The following KANK2 variants were observed in gnomAD, a reference collection of about 807,000 sequenced individuals.
KANK2 encodes KN motif and ankyrin repeat domains 2.
In KANK2, 41 loss-of-function variants were observed where a neutral mutation model predicts 74.6. The ratio of observed to expected loss-of-function variants is 0.55; its 90% confidence interval spans 0.43 to 0.71. The LOEUF is 0.71. Among genes scored for constraint, KANK2 ranks in the 30% least tolerant of loss-of-function variants. KANK2 has a pLI of 0.00. For missense variants in KANK2, 1,148 were observed against 1,196.4 expected, an observed-to-expected ratio of 0.96 and a Z score of 0.60; for synonymous variants, 537 against 519.0, an observed-to-expected ratio of 1.03 and a Z score of -0.47.
chr19:11,193,893 C>A lies in KANK2; in HGVS notation c.187G>T (p.Ala63Ser), dbSNP rs991237920. 2 of 1,613,712 alleles carry A rather than the reference C, an allele frequency of 1.2e-6. No homozygotes were observed. The highest frequency in any genetic ancestry group is 1.7e-5 in the Admixed American group (1 of 60,026). The change falls in exon 4 of 13, where the codon GCA becomes TCA. Residue 63 changes from alanine (A) to serine (S), a missense_variant. Coordinates refer to ENST00000586659, the MANE Select transcript of KANK2 (RefSeq NM_001136191.3). The surrounding 1 kb of genome is among the most constrained non-coding windows in gnomAD (Gnocchi z 9.6). ...CTCAGGCGGGGGCGGCGCTGCACTG[C>A]CACGCGTCGCAGCGTGTGGCCCTTC... ...IEKGHTLRRV[A>S]VQRRPRLSSL...
intron 4 of KANK2, among the ~76,000 whole-genome samples, chr19:11,187,971 TA>T (rs2078723990): frequency 6.6e-6 from 1 of 151,640 alleles, no homozygotes; most frequent in African/African-American, 2.4e-5. Flanking sequence ...GGAATAAAAA[TA>T]AAGTGGGGAG....
rs1300352152 is a variant in KANK2, at chr19:11,175,846, G to C, written c.1848+56C>G. 48 of 1,288,240 alleles carry C rather than the reference G, an allele frequency of 3.7e-5. 1 individual carries two copies. The South Asian group carries it at 4.4e-4, about 12-fold the overall frequency. The allele number at this position is 1,288,240 out of a possible 1,614,324, so 79.8% of individuals were successfully genotyped here. ...CTGAGGATGAGGAGAGGCCACGGGT[G>C]GGGTGGAGGTAGGGGTCCGGGGGGT... On this transcript the variant is annotated intron_variant, in intron 8 of 12. Coordinates refer to ENST00000586659, the MANE Select transcript of KANK2 (RefSeq NM_001136191.3).
In KANK2 at chr19:11,170,499, C is replaced by A; in HGVS notation, c.2212-251G>T. ...GGAGGAAATGATGGATACAGGTTTC[C>A]TTTGGGGGTGAAGAGAACGTTCTGG... On this transcript the variant is annotated intron_variant, in intron 10 of 12. Transcript: ENST00000586659. This position sits in a 1 kb window ranked among gnomAD's most constrained non-coding sequence, Gnocchi z 5.2. 1.8e-6 allele frequency: 1 copy of A among 562,946 alleles called. No homozygotes were observed. The highest frequency in any genetic ancestry group is 3.2e-6 in the Non-Finnish European group (1 of 313,696). The allele number at this position is 562,946 out of a possible 1,614,324, so 34.9% of individuals were successfully genotyped here.
At chr19:11,181,236 T>TTTATTATTATTA (rs200654235) in intron 4 of KANK2, among the ~76,000 whole-genome samples, 1 of 148,036 alleles carries the variant, frequency 6.8e-6, no homozygotes, top group Non-Finnish European at 1.5e-5. Context: ...GTTGTCAAGA[T>TTTATTATTATTA]TTATTATTAT....
At chr19:11,166,758 C>T (rs2078033753) in intron 12 of KANK2, 147 bp from the exon 13 acceptor site, 2 of 698,444 alleles carry the variant, frequency 2.9e-6, no homozygotes, top group Admixed American at 2.3e-5. Flanking sequence ...CTGGGGGCAC[C>T]GCCTTGAAGA....
intron 8 of KANK2, among the ~76,000 whole-genome samples, chr19:11,175,497 G>A (rs2078311742): frequency 6.7e-6 from 1 of 149,748 alleles, no homozygotes; most frequent in Non-Finnish European, 1.5e-5. Flanking sequence ...TGTTGCCCAG[G>A]CTGGTCTTGA....
chr19:11,174,494 C>T lies in KANK2; in HGVS notation c.2047G>A (p.Val683Met), dbSNP rs1443943510. The change falls in exon 9 of 13, where the codon GTG (valine) becomes ATG (methionine). Residue 683 changes from valine to methionine, a missense_variant. Transcript: ENST00000586659. Reference protein sequence around the residue: ...YSVSHANFPVVQQLLDSGVCK... With the variant: ...YSVSHANFPVMQQLLDSGVCK... Reference sequence around the variant, plus strand: ...TCACCGCTGTCGAGCAGCTGCTGCACCACGGGGAAGTTGGCATGAGACACG... The same window carrying T: ...TCACCGCTGTCGAGCAGCTGCTGCATCACGGGGAAGTTGGCATGAGACACG... The T allele has an allele frequency of 6.2e-7, 1 of 1,612,066 alleles. No homozygotes were observed. The highest frequency in any genetic ancestry group is 8.5e-7 in the Non-Finnish European group (1 of 1,179,170).
chr19:11,191,883 C>CT (rs1436705482), intron 4 of KANK2, among the ~76,000 whole-genome samples: 4 of 152,170 alleles, frequency 2.6e-5, no homozygotes, highest in Non-Finnish European at 5.9e-5. Context: ...CATAACAAGA[C>CT]TTTGTCTCTA....
chr19:11,196,248 G>C (rs1177176365), intron 1 of KANK2: 1 of 152,184 alleles, frequency 6.6e-6, no homozygotes, highest in East Asian at 1.9e-4. Context: ...AGTAGAGATG[G>C]TGTTTCTCCA....
chr19:11,167,524 C>T (rs2078055682), intron 12 of KANK2, among the ~76,000 whole-genome samples: 1 of 151,178 alleles, frequency 6.6e-6, no homozygotes, highest in Non-Finnish European at 1.5e-5. Flanking sequence ...CCACCAGGCC[C>T]AGCTAATTTT....
In KANK2 at chr19:11,164,375, G is replaced by A. The variant is rs2077972523; in HGVS notation, c.*2183C>T. The A allele has an allele frequency of 6.6e-6, 1 of 152,092 alleles. No homozygotes were observed. Among genetic ancestry groups the A allele is most frequent in the Admixed American group, 6.6e-5 (1 of 15,256 alleles). 9.4% of individuals were successfully genotyped at this position (152,092 alleles called of 1,614,324 possible). A position where few individuals can be genotyped will look rare whatever the true frequency, so the allele number is the denominator to read the frequency against. On this transcript the variant is annotated 3_prime_UTR_variant, in exon 13 of 13. Transcript: ENST00000586659. ...AATACTGGCTTTATGGACGTACCGTGATCAGAAAGTGAAATTAAAGCTCAT... is the reference window on the plus strand; with the variant it reads ...AATACTGGCTTTATGGACGTACCGTAATCAGAAAGTGAAATTAAAGCTCAT...
Position 11,166,458 on chromosome 19 carries a change from G to T in KANK2, c.*100C>A. Reference sequence around the variant, plus strand: ...TTGCCTTTGAGCCGTGGGCCTTGGGGAGTGTGAGTGGGGTGGGCCAGGGAG... The same window carrying T: ...TTGCCTTTGAGCCGTGGGCCTTGGGTAGTGTGAGTGGGGTGGGCCAGGGAG... On this transcript the variant is annotated 3_prime_UTR_variant, in exon 13 of 13. Transcript: ENST00000586659. The T allele has an allele frequency of 1.8e-6, 2 of 1,101,494 alleles. No homozygotes were observed. The highest frequency in any genetic ancestry group is 2.8e-6 in the Non-Finnish European group (2 of 721,626). The allele number at this position is 1,101,494 out of a possible 1,614,324, so 68.2% of individuals were successfully genotyped here. A position where few individuals can be genotyped will look rare whatever the true frequency, so the allele number is the denominator to read the frequency against.
At position 11,173,134 on chromosome 19, in the gene KANK2, T is replaced by C. The variant is rs1455398520; in HGVS notation, c.2069-11A>G. 6 of 1,608,866 alleles carry C rather than the reference T, an allele frequency of 3.7e-6. No individual in the cohort carries two copies. In the African/African-American group the frequency reaches 4.0e-5, roughly 11 times the overall value. On this transcript the variant is annotated splice_polypyrimidine_tract_variant and intron_variant, in intron 9 of 12. Transcript: ENST00000586659. ...CCACCTTGCAGACACCTAAGAGACATGGTGTGAACCCTCAGACCAGGGATC... is the reference window on the plus strand; with the variant it reads ...CCACCTTGCAGACACCTAAGAGACACGGTGTGAACCCTCAGACCAGGGATC...
At chr19:11,180,604 T>C (rs974353690) in intron 4 of KANK2, among the ~76,000 whole-genome samples, 2 of 152,134 alleles carry the variant, frequency 1.3e-5, no homozygotes, top group African/African-American at 2.4e-5. Flanking sequence ...ATAAAAACCA[T>C]GCCAGAGCCA....
At chr19:11,182,318 G>T (rs1290338315) in intron 4 of KANK2, among the ~76,000 whole-genome samples, 1 of 151,744 alleles carries the variant, frequency 6.6e-6, no homozygotes, top group Non-Finnish European at 1.5e-5. Flanking sequence ...AGGAGTTCAA[G>T]ACCAGCCTGG....
chr19:11,182,416 T>G (rs917601842), intron 4 of KANK2, among the ~76,000 whole-genome samples: 1 of 151,822 alleles, frequency 6.6e-6, no homozygotes, highest in African/African-American at 2.4e-5. Context: ...TACTTGGGAC[T>G]ATACTTGGCT....
intron 7 of KANK2, 40 bp downstream of exon 7, chr19:11,176,538 C>A: frequency 6.5e-7 from 1 of 1,536,910 alleles, no homozygotes; most frequent in Non-Finnish European, 8.8e-7. Context: ...GGTCATCCAC[C>A]CCCGGCCCTG....
chr19:11,179,142 C>A (rs964669171), intron 4 of KANK2, among the ~76,000 whole-genome samples: 1 of 151,352 alleles, frequency 6.6e-6, no homozygotes, highest in Non-Finnish European at 1.5e-5. Context: ...ATGGTGAAAT[C>A]CCGTCTCCAC....
rs1276968365 is a variant in KANK2, at chr19:11,166,633, C to A, written c.2503-22G>T. On this transcript the variant is annotated intron_variant, in intron 12 of 12. Transcript: ENST00000586659. ...CAAACTGAAACAGAGAAGCAGAATT[C>A]TTTTTGTTTGGGATCCTTTCCAATC... The A allele has an allele frequency of 1.5e-5, 24 of 1,613,588 alleles. No individual in the cohort carries two copies. The South Asian group carries it at 2.5e-4, about 17-fold the overall frequency.
Sources: allele counts gnomAD v4.1 joint callset (sites outside exome capture counted in the v4.1 genomes callset), GRCh38; gene constraint gnomAD v4.1.1; non-coding constraint Gnocchi (gnomAD v3.1); transcripts MANE v1.5; gene names NCBI Gene and HGNC (gene_info 2026-07-23, HGNC 2026-07-21).